Variants in PLAC8 observed in about 807,000 individuals in gnomAD.
The protein encoded by PLAC8 is placenta associated 8.
Under a neutral mutation model 12.6 loss-of-function variants are expected in PLAC8, and 6 were observed. That is an observed-to-expected ratio of 0.48 (90% CI 0.26 to 0.94). The LOEUF (loss-of-function observed/expected upper bound fraction) is 0.94, where lower values mean the gene tolerates loss of function less well. Ranked by LOEUF, PLAC8 falls within the 40% of genes least tolerant of loss-of-function variation. PLAC8 has a pLI of 0.14. For missense variants in PLAC8, 122 were observed against 152.7 expected, an observed-to-expected ratio of 0.80 and a Z score of 1.06; for synonymous variants, 54 against 52.6, an observed-to-expected ratio of 1.03 and a Z score of -0.11.
At chr4:83,094,917 G>A in intron 3 of PLAC8, 126 bp from the exon 4 acceptor site, 1 of 500,242 alleles carries the variant, frequency 2.0e-6, no homozygotes, top group Non-Finnish European at 3.6e-6. Flanking sequence ...GATACATTTA[G>A]GAAAATATTA....
At position 83,101,530 on chromosome 4, in the gene PLAC8, G is replaced by A. The variant is rs148527204; in HGVS notation, c.243+3366C>T. Among the ~76,000 whole-genome samples, 51 of 152,344 alleles carry A rather than the reference G, an allele frequency of 3.3e-4. No individual in the cohort carries two copies. The East Asian group carries it at 9.2e-3, about 28-fold the overall frequency. On this transcript the variant is annotated intron_variant, in intron 3 of 4. Transcript: ENST00000311507. ...CAGCAAGTGCTGATGGAGAAGGTGT[G>A]GCAAGTTATCCAGAAGGCCTAGCTA...
Position 83,104,935 on chromosome 4 carries a change from G to C in PLAC8, c.204C>G (p.Val68=). The C allele has an allele frequency of 6.2e-7, 1 of 1,614,076 alleles. No homozygotes were observed. Among genetic ancestry groups the C allele is most frequent in the South Asian group, 1.1e-5 (1 of 91,062 alleles). The change falls in exon 3 of 5, where the codon GTC becomes GTG. Residue 68 remains valine (V), a synonymous_variant. Transcript: ENST00000311507. ...MNECCLCGTS[V]AMRTLYRTRY... Reference sequence around the variant, plus strand: ...GGGTCCTGTAGAGAGTCCTCATTGCGACGCTTGTTCCACACAGACAGCATT... The same window carrying C: ...GGGTCCTGTAGAGAGTCCTCATTGCCACGCTTGTTCCACACAGACAGCATT...
At chr4:83,100,505 GAGA>G (rs1179992525) in intron 3 of PLAC8, among the ~76,000 whole-genome samples, 2 of 64,330 alleles carry the variant, frequency 3.1e-5, no homozygotes, top group African/African-American at 1.5e-4. Context: ...ATAGCAATGC[GAGA>G]ACCTTTTCTT....
chr4:83,104,417 T>C (rs764055283), intron 3 of PLAC8, among the ~76,000 whole-genome samples: 2 of 152,186 alleles, frequency 1.3e-5, no homozygotes, highest in Non-Finnish European at 2.9e-5. Context: ...AGTAATATAA[T>C]CTCTCACCTA....
At chr4:83,104,859 T>C in intron 3 of PLAC8, 37 bp downstream of exon 3, 1 of 1,604,522 alleles carries the variant, frequency 6.2e-7, no homozygotes, top group Non-Finnish European at 8.5e-7. Flanking sequence ...TTGAATGGGG[T>C]GCATATTTGA....
intron 3 of PLAC8, among the ~76,000 whole-genome samples, chr4:83,101,334 C>T (rs753703998): frequency 1.3e-5 from 2 of 152,108 alleles, no homozygotes; most frequent in Admixed American, 6.5e-5. Context: ...GAGCCAAGAT[C>T]GTGCCCCACT....
chr4:83,095,701 C>G (rs997406635), intron 3 of PLAC8, among the ~76,000 whole-genome samples: 1 of 152,098 alleles, frequency 6.6e-6, no homozygotes, highest in Non-Finnish European at 1.5e-5. Context: ...AGTAGCAATA[C>G]AAGTGTGTGA....
rs1012695200 is a variant in PLAC8 at position 83,102,740 on chromosome 4, G to T, written c.243+2156C>A. Among the ~76,000 whole-genome samples the T allele has an allele frequency of 3.3e-5, 5 of 152,190 alleles. No homozygotes were observed. The South Asian group carries it at 1.0e-3, about 31-fold the overall frequency. Reference sequence around the variant, plus strand: ...TGGATCCTAAAGATGTCACTGAATTGCTGCAATCTCATGATAAAACTTGAG... The same window carrying T: ...TGGATCCTAAAGATGTCACTGAATTTCTGCAATCTCATGATAAAACTTGAG... On this transcript the variant is annotated intron_variant, in intron 3 of 4. Coordinates refer to ENST00000311507, the MANE Select transcript of PLAC8 (RefSeq NM_016619.3).
intron 4 of PLAC8, chr4:83,093,835 A>G (rs1731863556): frequency 6.6e-6 from 1 of 152,222 alleles, no homozygotes; most frequent in South Asian, 2.1e-4. Context: ...AGATATTGAT[A>G]CATTGATACA....
In PLAC8 at chr4:83,094,756, G is replaced by C. The variant is rs1731885778; in HGVS notation, c.279C>G (p.Cys93Trp). ...SICDDYMATL[C>W]CPHCTLCQIK... ...TTTGGCAAAGAGTACAATGAGGACA[G>C]CAAAGAGTTGCCATATAGTCATCAC... is the stretch of plus-strand genomic sequence containing the variant. The change falls in exon 4 of 5, where the codon TGC (cysteine) becomes TGG (tryptophan). Residue 93 changes from cysteine to tryptophan, a missense_variant. By Grantham distance (215) the Cys-to-Trp change is radical. Coordinates refer to ENST00000311507, the MANE Select transcript of PLAC8 (RefSeq NM_016619.3). 6.2e-7 allele frequency: 1 copy of C among 1,603,820 alleles called. No individual in the cohort carries two copies. The highest frequency in any genetic ancestry group is 1.3e-5 in the African/African-American group (1 of 74,624).
intron 4 of PLAC8, among the ~76,000 whole-genome samples, chr4:83,091,400 T>A (rs1731804681): frequency 1.3e-5 from 2 of 152,130 alleles, no homozygotes; most frequent in Non-Finnish European, 2.9e-5. Context: ...TGTGCCTCAG[T>A]TTAGGTTTGT....
chr4:83,108,287 G>A (rs1287772359), intron 1 of PLAC8, among the ~76,000 whole-genome samples: 1 of 152,140 alleles, frequency 6.6e-6, no homozygotes, highest in Admixed American at 6.5e-5. Context: ...CCCTGGGGGT[G>A]AGGGGAAGGA....
At chr4:83,102,457 T>A (rs1732122322) in intron 3 of PLAC8, among the ~76,000 whole-genome samples, 1 of 152,138 alleles carries the variant, frequency 6.6e-6, no homozygotes, top group Non-Finnish European at 1.5e-5. Flanking sequence ...GAGAATTGCT[T>A]GAACCTGGGA....
intron 4 of PLAC8, chr4:83,092,883 ACCTC>A (rs1731839092): frequency 8.0e-6 from 1 of 125,666 alleles, no homozygotes; most frequent in African/African-American, 3.2e-5. Flanking sequence ...TGCAGCTTCT[ACCTC>A]CCAGGCTCAA....
At chr4:83,092,751 C>G (rs1731834105) in intron 4 of PLAC8, 1 of 149,050 alleles carries the variant, frequency 6.7e-6, no homozygotes, top group Non-Finnish European at 1.5e-5. Context: ...TTTTGCCTCT[C>G]TAGTTTCATT....
At chr4:83,107,068 C>T (rs567944037) in intron 2 of PLAC8, among the ~76,000 whole-genome samples, 10 of 152,034 alleles carry the variant, frequency 6.6e-5, no homozygotes, top group Admixed American at 2.0e-4. Flanking sequence ...GGTGTGGTGA[C>T]GGGTGCCTGT....
At chr4:83,096,030 C>T (rs899046987) in intron 3 of PLAC8, among the ~76,000 whole-genome samples, 10 of 152,164 alleles carry the variant, frequency 6.6e-5, no homozygotes, top group African/African-American at 2.2e-4. Flanking sequence ...GCCTCCAGCT[C>T]CATGACTTCT....
chr4:83,113,489 G>T (rs1732469471), intron 1 of PLAC8, among the ~76,000 whole-genome samples: 1 of 152,178 alleles, frequency 6.6e-6, no homozygotes, highest in Non-Finnish European at 1.5e-5. Context: ...ATTTAATTCA[G>T]CAAATATTTT....
intron 3 of PLAC8, 47 bp downstream of exon 3, chr4:83,104,849 T>G: frequency 6.3e-7 from 1 of 1,594,988 alleles, no homozygotes; most frequent in Non-Finnish European, 8.6e-7. Flanking sequence ...AATAATTATT[T>G]TGAATGGGGT....
Sources: gnomAD v4.1 joint callset for allele counts (sites outside exome capture counted in the v4.1 genomes callset) on GRCh38, gnomAD v4.1.1 for gene constraint, MANE v1.5 for transcripts, NCBI Gene and HGNC (gene_info 2026-07-23, HGNC 2026-07-21) for gene names.